ITGA1: variants seen among roughly 807,000 people sequenced by gnomAD.
ITGA1 encodes the protein integrin alpha-1.
A neutral mutation model predicts 145.9 loss-of-function variants in ITGA1; 85 were observed. The observed-to-expected ratio is 0.58, with a 90% CI of 0.49 to 0.70. The LOEUF (loss-of-function observed/expected upper bound fraction) is 0.70. Ranked by LOEUF, ITGA1 falls within the 30% of genes least tolerant of loss-of-function variation. ITGA1 has a pLI of 0.00. For synonymous variants in ITGA1, 520 were observed against 495.3 expected (o/e 1.05, Z -0.66); for missense variants, 1,351 against 1,418.7 (o/e 0.95, Z 0.77).
chr5:52,933,377 T>C (rs1225918436), intron 22 of ITGA1: 4 of 152,074 alleles, frequency 2.6e-5, no homozygotes, highest in African/African-American at 9.6e-5. Context: ...CAAACACTTA[T>C]AAATATTTTT....
At chr5:52,946,591 A>G (rs1247253373) in intron 27 of ITGA1, among the ~76,000 whole-genome samples, 1 of 152,168 alleles carries the variant, frequency 6.6e-6, no homozygotes, top group South Asian at 2.1e-4. Flanking sequence ...GGCTTGAACT[A>G]TTACTAGCCA....
chr5:52,910,669 ATATATACACACTATATATAC>A (rs990451874), intron 14 of ITGA1, among the ~76,000 whole-genome samples: 25 of 147,616 alleles, frequency 1.7e-4, no homozygotes, highest in Non-Finnish European at 3.1e-4. Context: ...TATAGTATAT[ATATATACACACTATATATAC>A]TATATACACA....
At chr5:52,868,996 A>G (rs1472779784) in intron 6 of ITGA1, among the ~76,000 whole-genome samples, 1 of 152,182 alleles carries the variant, frequency 6.6e-6, no homozygotes, top group Non-Finnish European at 1.5e-5. Flanking sequence ...TGATGCCTTA[A>G]TGGTGCTTCT....
intron 7 of ITGA1, among the ~76,000 whole-genome samples, chr5:52,884,078 T>C (rs1414064540): frequency 6.6e-6 from 1 of 152,208 alleles, no homozygotes; most frequent in Non-Finnish European, 1.5e-5. Flanking sequence ...TCTCATATGA[T>C]ATTCGCATAC....
At chr5:52,868,424 A>G (rs1749724036) in intron 6 of ITGA1, among the ~76,000 whole-genome samples, 1 of 152,180 alleles carries the variant, frequency 6.6e-6, no homozygotes, top group Non-Finnish European at 1.5e-5. Flanking sequence ...TCAATTGCTT[A>G]TATGCTCAAG....
At chr5:52,862,413 A>G (rs957842409) in intron 3 of ITGA1, among the ~76,000 whole-genome samples, 2 of 152,168 alleles carry the variant, frequency 1.3e-5, no homozygotes, top group Non-Finnish European at 2.9e-5. Context: ...AGATTGACAT[A>G]GAATGCCATT....
rs144985183 is a variant in ITGA1 at position 52,895,643 on chromosome 5, G to A, written c.1090+1803G>A. 7.4e-4 allele frequency among the ~76,000 whole-genome samples: 112 copies of A among 152,216 alleles called. 1 individual carries two copies. In the East Asian group the frequency reaches 0.021, roughly 28 times the overall value. On this transcript the variant is annotated intron_variant, in intron 9 of 28. Transcript: ENST00000282588. ...AAAAATGAAGCCCACTTCAGCTAGG[G>A]GAGGGGGAGATCAATTGCCTGAAAT...
intron 6 of ITGA1, among the ~76,000 whole-genome samples, chr5:52,879,931 A>C (rs574793696): frequency 6.6e-6 from 1 of 152,220 alleles, no homozygotes; most frequent in South Asian, 2.1e-4. Flanking sequence ...TAACTAAGCA[A>C]CTTTAGGAGA....
intron 8 of ITGA1, among the ~76,000 whole-genome samples, chr5:52,892,919 C>T (rs1750172620): frequency 6.6e-6 from 1 of 151,786 alleles, no homozygotes; most frequent in African/African-American, 2.4e-5. Context: ...GGCAGTAACA[C>T]AACTATATTG....
intron 11 of ITGA1, 29 bp downstream of exon 11, chr5:52,898,412 T>C (rs990215729): frequency 6.5e-7 from 1 of 1,545,126 alleles, no homozygotes; most frequent in Non-Finnish European, 8.7e-7. Context: ...TATAAAAGAG[T>C]TGTTTTACTT....
intron 6 of ITGA1, 108 bp from the exon 7 acceptor site, chr5:52,881,765 T>A: frequency 1.0e-6 from 1 of 981,370 alleles, no homozygotes; most frequent in Non-Finnish European, 1.5e-6. Context: ...ACTGATAGGT[T>A]TGCAAACTCA....
At chr5:52,871,515 G>T (rs955697795) in intron 6 of ITGA1, among the ~76,000 whole-genome samples, 1 of 151,962 alleles carries the variant, frequency 6.6e-6, no homozygotes, top group Non-Finnish European at 1.5e-5. Flanking sequence ...CCTATTCTCT[G>T]CAGTCATAGA....
intron 14 of ITGA1, among the ~76,000 whole-genome samples, chr5:52,910,648 TATA>T (rs1448063962): frequency 6.8e-6 from 1 of 147,972 alleles, no homozygotes; most frequent in African/African-American, 2.5e-5. Flanking sequence ...ATAGTGTATA[TATA>T]ATGTGTATAT....
At chr5:52,802,884 A>G (rs1243265909) in intron 1 of ITGA1, 1 of 152,042 alleles carries the variant, frequency 6.6e-6, no homozygotes, top group Non-Finnish European at 1.5e-5. Context: ...AAACTCTGAT[A>G]CTCTTTACTA....
intron 27 of ITGA1, among the ~76,000 whole-genome samples, chr5:52,945,984 A>G (rs1278236636): frequency 2.6e-5 from 4 of 152,366 alleles, no homozygotes; most frequent in East Asian, 1.9e-4. Context: ...AGTATGGTTT[A>G]TGTTGGAAAA....
At chr5:52,865,136 A>G in intron 5 of ITGA1, 54 bp downstream of exon 5, 1 of 1,255,188 alleles carries the variant, frequency 8.0e-7, no homozygotes, top group Non-Finnish European at 1.2e-6. Context: ...GCAATGAATG[A>G]GACGTATGTA....
chr5:52,863,137 T>C (rs575502629), intron 3 of ITGA1, among the ~76,000 whole-genome samples: 5 of 152,320 alleles, frequency 3.3e-5, no homozygotes, highest in East Asian at 3.9e-4. Context: ...CTTAACTTTT[T>C]TTATTAGCAG....
At chr5:52,860,892 C>T (rs1424765208) in intron 2 of ITGA1, among the ~76,000 whole-genome samples, 1 of 152,158 alleles carries the variant, frequency 6.6e-6, no homozygotes, top group African/African-American at 2.4e-5. Flanking sequence ...CATAAACTAT[C>T]CTTATTTTCT....
intron 11 of ITGA1, among the ~76,000 whole-genome samples, chr5:52,899,700 T>G (rs1750284464): frequency 6.6e-6 from 1 of 152,190 alleles, no homozygotes; most frequent in Non-Finnish European, 1.5e-5. Flanking sequence ...AATTGAAGGT[T>G]AGAAAACAAA....
Sources: gnomAD v4.1 joint callset for allele counts (sites outside exome capture counted in the v4.1 genomes callset) on GRCh38, gnomAD v4.1.1 for gene constraint, MANE v1.5 for transcripts, NCBI Gene and HGNC (gene_info 2026-07-23, HGNC 2026-07-21) for gene names.